The following RYR2 variants were observed in gnomAD, a reference collection of about 807,000 sequenced individuals.
RYR2 encodes the protein cardiac muscle ryanodine receptor-calcium release channel.
RYR2 carries 227 observed loss-of-function variants against 601.1 expected under a neutral mutation model. The observed-to-expected ratio is 0.38, with a 90% CI of 0.34 to 0.42. The LOEUF (loss-of-function observed/expected upper bound fraction) is 0.42. RYR2 is among the 10% of genes least tolerant of loss of function. The pLI is 1.00. For synonymous variants in RYR2, 2,223 were observed against 2,175.1 expected (o/e 1.02, Z -0.61); for missense variants, 4,646 against 6,156.5 (o/e 0.75, Z 8.21).
chr1:237,464,316 G>A (rs1350446764), intron 16 of RYR2, among the ~76,000 whole-genome samples: 2 of 151,964 alleles, frequency 1.3e-5, no homozygotes, highest in African/African-American at 2.4e-5. Context: ...AAGAGTGAAA[G>A]TGTAGCCACA....
chr1:237,563,731 T>TG (rs3835523), intron 27 of RYR2, among the ~76,000 whole-genome samples: 79,617 of 151,626 alleles, frequency 0.53, 22,978 homozygotes, highest in Admixed American at 0.66. Context: ...AGGGGGCTTT[T>TG]GGGGAAATTA....
At chr1:237,598,659 G>A (rs1363173439) in intron 34 of RYR2, among the ~76,000 whole-genome samples, 1 of 152,048 alleles carries the variant, frequency 6.6e-6, no homozygotes, top group Non-Finnish European at 1.5e-5. Context: ...ATACAGCAGA[G>A]GCAGTTCTAA....
rs1178085578 is a variant in RYR2, at chr1:237,724,215, A to ATATATATATATATG, written c.10689+956_10689+957insATATATATATGTAT. Among the ~76,000 whole-genome samples, 18 of 123,116 alleles carry ATATATATATATATG rather than the reference A, an allele frequency of 1.5e-4. No individual in the cohort carries two copies. In the South Asian group the frequency reaches 2.2e-3, roughly 15 times the overall value. The allele number at this position is 123,116 out of a possible 152,430, so 80.8% of individuals were successfully genotyped here. A position where few individuals can be genotyped will look rare whatever the true frequency, so the allele number is the denominator to read the frequency against. On this transcript the variant is annotated intron_variant, in intron 74 of 104. Coordinates refer to ENST00000366574, the MANE Select transcript of RYR2 (RefSeq NM_001035.3). ...TATATATATATATATATATATATAT[A>ATATATATATATATG]TATGTATGTGTGATAAATTTCATAG...
At position 237,610,781 on chromosome 1, in the gene RYR2, C is replaced by T. The variant is rs955021407; in HGVS notation, c.4703C>T (p.Ala1568Val). Residue 1568 changes from alanine to valine, a missense_variant, in exon 36 of 105, where the codon GCG (alanine) becomes GTG (valine). Transcript: ENST00000366574. The surrounding 1 kb of genome is among the most constrained non-coding windows in gnomAD (Gnocchi z 4.9). ...GRIKNVMPLS[A>V]GLFKSEHKNP... Reference sequence around the variant, plus strand: ...CGCTAGAATGTGATGCCTCTCTCGGCGGGATTATTCAAGAGTGAGCACAAG... The same window carrying T: ...CGCTAGAATGTGATGCCTCTCTCGGTGGGATTATTCAAGAGTGAGCACAAG... 3 of 1,605,736 alleles carry T rather than the reference C, an allele frequency of 1.9e-6. No individual in the cohort carries two copies. The highest frequency in any genetic ancestry group is 1.3e-5 in the African/African-American group (1 of 74,866).
chr1:237,641,467 GTCTGTCTTTCTTTCTT>G (rs1358916006), intron 47 of RYR2, among the ~76,000 whole-genome samples: 17,128 of 117,152 alleles, frequency 0.15, 1,455 homozygotes, highest in Non-Finnish European at 0.18. Flanking sequence ...ATTAGTGTCT[GTCTGTCTTTCTTTCTT>G]TCTTTCTTTC....
chr1:237,694,562 AT>A (rs1023439573), intron 63 of RYR2, among the ~76,000 whole-genome samples: 8 of 152,156 alleles, frequency 5.3e-5, no homozygotes, highest in African/African-American at 1.9e-4. Flanking sequence ...AAAAAATCCT[AT>A]TTTTTTAGAG....
chr1:237,289,195 A>G (rs960047749), intron 2 of RYR2, among the ~76,000 whole-genome samples: 2 of 152,076 alleles, frequency 1.3e-5, no homozygotes, highest in Admixed American at 6.5e-5. Flanking sequence ...CTTCCTTCAG[A>G]GGCTCTGTGG....
At chr1:237,425,304 G>A (rs927298558) in intron 12 of RYR2, among the ~76,000 whole-genome samples, 6 of 152,062 alleles carry the variant, frequency 3.9e-5, no homozygotes, top group Non-Finnish European at 7.4e-5. Context: ...TGGGGATATA[G>A]GGATCACCAA....
Position 237,660,895 on chromosome 1 carries a change from G to C in RYR2, c.8384G>C (p.Gly2795Ala). The change falls in exon 56 of 105, where the codon GGA becomes GCA. Residue 2795 changes from glycine to alanine, a missense_variant. By Grantham distance (60) the Gly-to-Ala change is moderately conservative (BLOSUM62 0). Around this residue, in one of 17 missense-constraint regions of RYR2, gnomAD observed 1,497 missense variants for 1,842.6 expected, o/e 0.81. Coordinates refer to ENST00000366574, the MANE Select transcript of RYR2 (RefSeq NM_001035.3). ...WGWRIERTRE[G>A]DSMALYNRTR... ...TGGAGAATTGAAAGAACTCGGGAGG[G>C]AGACAGCATGGCCCTTTACAACCGG... 5 of 1,534,982 alleles carry C rather than the reference G, an allele frequency of 3.3e-6. No individual in the cohort carries two copies. The highest frequency in any genetic ancestry group is 4.4e-6 in the Non-Finnish European group (5 of 1,137,478).
intron 95 of RYR2, among the ~76,000 whole-genome samples, chr1:237,794,705 G>C (rs1658884708): frequency 6.6e-6 from 1 of 152,140 alleles, no homozygotes; most frequent in Non-Finnish European, 1.5e-5. Flanking sequence ...TTTGCTAATG[G>C]GTTCCGAGTT....
At chr1:237,207,830 A>G (rs949471833) in intron 1 of RYR2, among the ~76,000 whole-genome samples, 1 of 152,268 alleles carries the variant, frequency 6.6e-6, no homozygotes, top group Non-Finnish European at 1.5e-5. Context: ...GGTTGGTGCA[A>G]ACGTAACTGT....
intron 27 of RYR2, among the ~76,000 whole-genome samples, chr1:237,565,179 CTT>C (rs375275735): frequency 0.11 from 13,585 of 120,202 alleles, 1,299 homozygotes; most frequent in South Asian, 0.13. Context: ...TTCTTTCTTT[CTT>C]TCTTTCTTTC....
chr1:237,755,409 C>G (rs1558348650), intron 80 of RYR2, among the ~76,000 whole-genome samples: 1 of 152,152 alleles, frequency 6.6e-6, no homozygotes, highest in Non-Finnish European at 1.5e-5. Context: ...TACTAATTGA[C>G]TGTTTCATGT....
In RYR2 at chr1:237,666,507, T is replaced by A; in HGVS notation, c.8437-5T>A. The A allele has an allele frequency of 6.2e-7, 1 of 1,610,136 alleles. No homozygotes were observed. Among genetic ancestry groups the A allele is most frequent in the African/African-American group, 1.3e-5 (1 of 74,850 alleles). On this transcript the variant is annotated splice_polypyrimidine_tract_variant and splice_region_variant and intron_variant, in intron 56 of 104. Coordinates refer to ENST00000366574, the MANE Select transcript of RYR2 (RefSeq NM_001035.3). Reference sequence around the variant, plus strand: ...AGGCACTGTTTTTTCACACAAATGATCTAGGTTTCTGTGGACGCTGCCCAT... The same window carrying A: ...AGGCACTGTTTTTTCACACAAATGAACTAGGTTTCTGTGGACGCTGCCCAT...
chr1:237,214,027 C>A (rs1682900279), intron 1 of RYR2, among the ~76,000 whole-genome samples: 1 of 146,094 alleles, frequency 6.8e-6, no homozygotes, highest in Non-Finnish European at 1.5e-5. Flanking sequence ...TTTAAGCGAT[C>A]CTCGTGCCTC....
intron 1 of RYR2, among the ~76,000 whole-genome samples, chr1:237,183,688 G>A (rs1247419809): frequency 1.3e-5 from 2 of 152,284 alleles, no homozygotes; most frequent in South Asian, 2.1e-4. Flanking sequence ...GCAGTGGAGA[G>A]TTAGCCTAAT....
intron 22 of RYR2, among the ~76,000 whole-genome samples, chr1:237,504,795 C>T (rs1287062852): frequency 6.6e-6 from 1 of 152,084 alleles, no homozygotes; most frequent in Admixed American, 6.5e-5. Flanking sequence ...GCACTAGGTA[C>T]CGGTTTCCTG....
At chr1:237,451,580 C>CAAA (rs3035864) in intron 14 of RYR2, among the ~76,000 whole-genome samples, 75 of 119,998 alleles carry the variant, frequency 6.3e-4, no homozygotes, top group South Asian at 2.1e-3. Flanking sequence ...AACTCTGTCT[C>CAAA]AAAAAAAAAA....
chr1:237,338,702 C>T (rs58916907), intron 3 of RYR2, among the ~76,000 whole-genome samples: 4,197 of 152,270 alleles, frequency 0.028, 190 homozygotes, highest in African/African-American at 0.094. Context: ...TTTACATCCT[C>T]ATTCTTCTGG....
Sources: allele counts gnomAD v4.1 joint callset (sites outside exome capture counted in the v4.1 genomes callset), GRCh38; gene constraint gnomAD v4.1.1; regional missense constraint gnomAD v4.1.1; non-coding constraint Gnocchi (gnomAD v3.1); transcripts MANE v1.5; gene names NCBI Gene and HGNC (gene_info 2026-07-23, HGNC 2026-07-21).